Variants in FTCD observed in about 807,000 individuals in gnomAD.
FTCD encodes formimidoyltransferase-cyclodeaminase.
Under a neutral mutation model 62.9 loss-of-function variants are expected in FTCD, and 76 were observed. The ratio of observed to expected loss-of-function variants is 1.21; its 90% CI spans 1.00 to 1.46. The LOEUF (loss-of-function observed/expected upper bound fraction) is 1.46. Among genes scored for constraint, FTCD ranks in the 40% most tolerant of loss-of-function variants. The pLI, the probability that FTCD is intolerant of heterozygous loss-of-function variation, is 0.00. For synonymous variants in FTCD, 397 were observed against 336.9 expected (o/e 1.18, Z -1.95); for missense variants, 845 against 751.3 (o/e 1.12, Z -1.46).
At chr21:46,137,899 G>A (rs1017210182) in intron 12 of FTCD, among the ~76,000 whole-genome samples, 4 of 152,328 alleles carry the variant, frequency 2.6e-5, no homozygotes, top group African/African-American at 7.2e-5. Context: ...GTGCTTTCTC[G>A]TGTTTTGTTG....
At chr21:46,155,158 A>C (rs905740934) in intron 1 of FTCD, among the ~76,000 whole-genome samples, 1 of 152,130 alleles carries the variant, frequency 6.6e-6, no homozygotes, top group Non-Finnish European at 1.5e-5. Context: ...CCCCATTTTC[A>C]GGGGGGAGCA....
intron 3 of FTCD, 42 bp from the exon 4 acceptor site, chr21:46,152,022 TC>T: frequency 7.0e-7 from 1 of 1,429,072 alleles, no homozygotes; most frequent in Non-Finnish European, 9.6e-7. Context: ...CGGCAGGGGG[TC>T]CAGGACTCAG....
intron 7 of FTCD, 189 bp from the exon 8 acceptor site, chr21:46,146,516 C>T (rs2079151713): frequency 4.9e-6 from 3 of 610,658 alleles, no homozygotes; most frequent in South Asian, 1.9e-5. Flanking sequence ...CTGTGGGCCC[C>T]GCCCCAGCAG....
At chr21:46,147,932 G>A (rs1198537513) in intron 7 of FTCD, among the ~76,000 whole-genome samples, 2 of 134,160 alleles carry the variant, frequency 1.5e-5, no homozygotes, top group African/African-American at 2.8e-5. Flanking sequence ...GACAAAGTGA[G>A]GCTCCATCTC....
At chr21:46,154,388 G>A in intron 1 of FTCD, 56 bp from the exon 2 acceptor site, 1 of 1,554,786 alleles carries the variant, frequency 6.4e-7, no homozygotes, top group Non-Finnish European at 8.7e-7. Flanking sequence ...AGAAGGAAAA[G>A]GAGCTTGGAG....
chr21:46,141,945 T>A (rs1321048289), intron 10 of FTCD, among the ~76,000 whole-genome samples: 1 of 151,392 alleles, frequency 6.6e-6, no homozygotes, highest in East Asian at 1.9e-4. Flanking sequence ...CTTCCCCCAG[T>A]GGAAAACCCA....
At chr21:46,139,364 C>T (rs547193852) in intron 10 of FTCD, among the ~76,000 whole-genome samples, 1 of 152,188 alleles carries the variant, frequency 6.6e-6, no homozygotes, top group Non-Finnish European at 1.5e-5. Context: ...CATGTCCCTG[C>T]CCCGGTCACA....
At position 46,138,494 on chromosome 21, in the gene FTCD, C is replaced by G; in HGVS notation, c.1443+14G>C. ...TTTGCGGCAGGAGGCCTGGGGTCCC[C>G]CGGGCCCCCCTACCTGGAGGTCTGA... On this transcript the variant is annotated intron_variant, in intron 12 of 13. Coordinates refer to ENST00000397746, the MANE Select transcript of FTCD (RefSeq NM_206965.2). 1.3e-6 allele frequency: 2 copies of G among 1,576,576 alleles called. No homozygotes were observed. The highest frequency in any genetic ancestry group is 1.7e-6 in the Non-Finnish European group (2 of 1,168,300).
chr21:46,139,042 G>A (rs975592728), intron 10 of FTCD, 119 bp from the exon 11 acceptor site: 1 of 799,132 alleles, frequency 1.3e-6, no homozygotes, highest in Non-Finnish European at 2.2e-6. Flanking sequence ...AGTTCTCTGG[G>A]AACCAAGCTT....
chr21:46,138,728 C>G, intron 11 of FTCD, 82 bp from the exon 12 acceptor site: 2 of 1,512,874 alleles, frequency 1.3e-6, no homozygotes, highest in Non-Finnish European at 1.8e-6. Flanking sequence ...CAGGGCTGAG[C>G]AGGCTGCAGA....
intron 7 of FTCD, 101 bp from the exon 8 acceptor site, chr21:46,146,428 C>G (rs566650169): frequency 1.2e-6 from 1 of 808,560 alleles, no homozygotes; most frequent in Non-Finnish European, 2.1e-6. Flanking sequence ...CGCCCCCTGC[C>G]CCGAGCACAC....
At chr21:46,149,495 T>C (rs1385667735) in intron 7 of FTCD, among the ~76,000 whole-genome samples, 1 of 152,194 alleles carries the variant, frequency 6.6e-6, no homozygotes, top group African/African-American at 2.4e-5. Context: ...GTTAAGTGGA[T>C]TGTGCTTATT....
chr21:46,140,869 T>A (rs375905280), intron 10 of FTCD, among the ~76,000 whole-genome samples: 61 of 89,338 alleles, frequency 6.8e-4, no homozygotes, highest in African/African-American at 2.5e-3. Context: ...ACTCCCCGTC[T>A]GCCTTCACAT....
At position 46,137,483 on chromosome 21, in the gene FTCD, G is replaced by GTTA. The variant is rs2078897248; in HGVS notation, c.1444-150_1444-149insTAA. On this transcript the variant is annotated intron_variant, in intron 12 of 13. Transcript: ENST00000397746. ...GCAGCCCCCGCTTTCGCCCCACAGAGGGCTAAGCCCCACCACTGAGCTTAG... is the reference window on the plus strand; with the variant it reads ...GCAGCCCCCGCTTTCGCCCCACAGAGTTAGGCTAAGCCCCACCACTGAGCTTAG... 3 of 716,120 alleles carry GTTA rather than the reference G, an allele frequency of 4.2e-6. No individual in the cohort carries two copies. In the East Asian group the frequency reaches 7.8e-5, roughly 19 times the overall value. The allele number at this position is 716,120 out of a possible 1,614,324, so 44.4% of individuals were successfully genotyped here. A position where few individuals can be genotyped will look rare whatever the true frequency, so the allele number is the denominator to read the frequency against.
At chr21:46,153,938 C>T (rs1282590642) in intron 2 of FTCD, among the ~76,000 whole-genome samples, 1 of 152,150 alleles carries the variant, frequency 6.6e-6, no homozygotes, top group Admixed American at 6.5e-5. Context: ...GCGTGGCGAC[C>T]TGGGGGTCCC....
chr21:46,137,578 G>T (rs1002266944), intron 12 of FTCD, among the ~76,000 whole-genome samples: 15 of 151,354 alleles, frequency 9.9e-5, no homozygotes, highest in Non-Finnish European at 1.8e-4. Flanking sequence ...CACACTGGAG[G>T]CTCTCCGCCA....
At position 46,145,830 on chromosome 21, in the gene FTCD, G is replaced by GGCCGCCGAGCA; in HGVS notation, c.1085_1086insTGCTCGGCGGC (p.Ala364ArgfsTer18). ...CCCCCGCGCTCACCATGGCCGCAGCGGCCGCCGCCACCGAGCCGCCCCCGG... is the reference window on the plus strand; with the variant it reads ...CCCCCGCGCTCACCATGGCCGCAGCGGCCGCCGAGCAGCCGCCGCCACCGAGCCGCCCCCGG... On this transcript the variant is annotated frameshift_variant, in exon 9 of 14. Coordinates refer to ENST00000397746, the MANE Select transcript of FTCD (RefSeq NM_206965.2). LOFTEE classifies it high-confidence loss of function. 1 of 808,700 alleles carries GGCCGCCGAGCA rather than the reference G, an allele frequency of 1.2e-6. No individual in the cohort carries two copies. The highest frequency in any genetic ancestry group is 3.4e-5 in the South Asian group (1 of 29,404). 50.1% of individuals were successfully genotyped at this position (808,700 alleles called of 1,614,324 possible).
intron 10 of FTCD, chr21:46,142,537 C>G (rs1359723484): frequency 1.3e-5 from 2 of 152,298 alleles, no homozygotes; most frequent in Non-Finnish European, 2.9e-5. Flanking sequence ...TTAGCTCCTC[C>G]CGGTGGGTTG....
At chr21:46,148,297 A>T (rs1429711527) in intron 7 of FTCD, among the ~76,000 whole-genome samples, 1 of 152,182 alleles carries the variant, frequency 6.6e-6, no homozygotes, top group East Asian at 1.9e-4. Context: ...GTCTCTGAGG[A>T]GGACACAATA....
Sources: allele counts gnomAD v4.1 joint callset (sites outside exome capture counted in the v4.1 genomes callset), GRCh38; gene constraint gnomAD v4.1.1; transcripts MANE v1.5; gene names NCBI Gene and HGNC (gene_info 2026-07-23, HGNC 2026-07-21).